The following PAFAH1B1 variants were observed in gnomAD, a reference collection of about 807,000 sequenced individuals.
PAFAH1B1 encodes the protein platelet activating factor acetylhydrolase 1b regulatory subunit 1, also known as platelet-activating factor acetylhydrolase IB subunit beta.
Under a neutral mutation model 57.5 loss-of-function variants are expected in PAFAH1B1, and 2 were observed. The ratio of observed to expected loss-of-function variants is 0.03; its 90% CI spans 0.01 to 0.11. The LOEUF (loss-of-function observed/expected upper bound fraction) is 0.11, where lower values mean the gene tolerates loss of function less well. PAFAH1B1 is among the 10% of genes least tolerant of loss of function. The probability of loss-of-function intolerance (pLI) is 1.00; values close to 1 mark genes in which losing one functional copy is unlikely to be tolerated. For synonymous variants in PAFAH1B1, 152 were observed against 169.6 expected, an observed-to-expected ratio of 0.90 and a Z score of 0.81; for missense variants, 257 against 512.0, an observed-to-expected ratio of 0.50 and a Z score of 4.81.
At chr17:2,612,561 C>T (rs2068279794) in intron 1 of PAFAH1B1, among the ~76,000 whole-genome samples, 1 of 151,620 alleles carries the variant, frequency 6.6e-6, no homozygotes, top group African/African-American at 2.4e-5. Flanking sequence ...GTAGCTGTAT[C>T]AGATAATTTC....
At chr17:2,673,087 T>C (rs1200964651) in intron 7 of PAFAH1B1, among the ~76,000 whole-genome samples, 1 of 151,968 alleles carries the variant, frequency 6.6e-6, no homozygotes, top group Admixed American at 6.6e-5. Flanking sequence ...AGAAAAGGCA[T>C]CAGCTTAAAG....
chr17:2,596,771 A>T (rs1049072311), intron 1 of PAFAH1B1, among the ~76,000 whole-genome samples: 3 of 152,124 alleles, frequency 2.0e-5, no homozygotes, highest in Admixed American at 1.3e-4. Context: ...ATCAAAGCAC[A>T]CTAAGGTCCA....
chr17:2,595,955 G>T lies in PAFAH1B1; in HGVS notation c.-191+1949G>T, dbSNP rs563242601. On this transcript the variant is annotated intron_variant, in intron 1 of 10. Transcript: ENST00000397195. ...TGGGTGGAGTAAGGGAGCAGAAGCTGTGAAATGCTGTATTGCCCTTTCACA... is the reference window on the plus strand; with the variant it reads ...TGGGTGGAGTAAGGGAGCAGAAGCTTTGAAATGCTGTATTGCCCTTTCACA... 4.6e-5 allele frequency among the ~76,000 whole-genome samples: 7 copies of T among 152,306 alleles called. No homozygotes were observed. The East Asian group carries it at 1.2e-3, about 25-fold the overall frequency.
At chr17:2,659,297 G>T (rs2068981475) in intron 2 of PAFAH1B1, 1 of 162,776 alleles carries the variant, frequency 6.1e-6, no homozygotes, top group South Asian at 1.2e-4. Flanking sequence ...CCAGCACTTT[G>T]GGAGGCCAAG....
At chr17:2,616,857 A>G (rs2151619459) in intron 1 of PAFAH1B1, among the ~76,000 whole-genome samples, 1 of 152,038 alleles carries the variant, frequency 6.6e-6, no homozygotes, top group Middle Eastern at 3.4e-3. Context: ...AGGTCAAGAG[A>G]TCGAGACCAT....
At chr17:2,648,764 A>T (rs1408325083) in intron 2 of PAFAH1B1, among the ~76,000 whole-genome samples, 2 of 152,094 alleles carry the variant, frequency 1.3e-5, no homozygotes, top group East Asian at 1.9e-4. Context: ...TGATGGTTAA[A>T]AAAAAAAAAC....
chr17:2,645,829 C>T (rs1268843053), intron 2 of PAFAH1B1, among the ~76,000 whole-genome samples: 1 of 151,416 alleles, frequency 6.6e-6, no homozygotes, highest in Non-Finnish European at 1.5e-5. Context: ...TGGTCTCACT[C>T]TCCTGACCTC....
intron 2 of PAFAH1B1, among the ~76,000 whole-genome samples, chr17:2,657,339 G>A (rs1456591259): frequency 6.6e-6 from 1 of 152,134 alleles, no homozygotes; most frequent in Non-Finnish European, 1.5e-5. Context: ...CCACCTCCCA[G>A]GTTCAAGTGA....
At chr17:2,637,408 T>G (rs1478033385) in intron 1 of PAFAH1B1, among the ~76,000 whole-genome samples, 1 of 84,718 alleles carries the variant, frequency 1.2e-5, no homozygotes, top group East Asian at 3.3e-4. Flanking sequence ...TAGGGAGACC[T>G]GTCTCTACAA....
chr17:2,666,594 A>G (rs1423839502), intron 4 of PAFAH1B1, among the ~76,000 whole-genome samples: 1 of 152,196 alleles, frequency 6.6e-6, no homozygotes, highest in Admixed American at 6.5e-5. Context: ...TGCTCAATAA[A>G]TATTAGCTTT....
chr17:2,628,620 G>C (rs939106497), intron 1 of PAFAH1B1, among the ~76,000 whole-genome samples: 1 of 152,008 alleles, frequency 6.6e-6, no homozygotes, highest in Non-Finnish European at 1.5e-5. Flanking sequence ...ATTAGGGAGG[G>C]CTCCTTCTTT....
At chr17:2,653,288 G>A (rs181866524) in intron 2 of PAFAH1B1, among the ~76,000 whole-genome samples, 92 of 152,206 alleles carry the variant, frequency 6.0e-4, no homozygotes, top group Non-Finnish European at 1.0e-3. Context: ...GGGGAGAGGG[G>A]AGGGATAGCA....
At chr17:2,620,113 C>G (rs565637350) in intron 1 of PAFAH1B1, among the ~76,000 whole-genome samples, 2 of 152,108 alleles carry the variant, frequency 1.3e-5, no homozygotes, top group African/African-American at 4.8e-5. Flanking sequence ...TTGATAAATT[C>G]TACCTGATTT....
chr17:2,603,938 A>G (rs1210827275), intron 1 of PAFAH1B1, among the ~76,000 whole-genome samples: 1 of 152,042 alleles, frequency 6.6e-6, no homozygotes, highest in Non-Finnish European at 1.5e-5. Flanking sequence ...GGGTTTCACC[A>G]TGTTGGTCAG....
chr17:2,674,122 A>G lies in PAFAH1B1; in HGVS notation c.734A>G (p.Asp245Gly). 2 of 1,614,132 alleles carry G rather than the reference A, an allele frequency of 1.2e-6. No homozygotes were observed. Among genetic ancestry groups the G allele is most frequent in the Non-Finnish European group, 1.7e-6 (2 of 1,180,020 alleles). The change falls in exon 8 of 11, where the codon GAT (aspartate) becomes GGT (glycine). Residue 245 changes from aspartate to glycine, a missense_variant. Transcript: ENST00000397195. ...GTACGTATGGTACGGCCAAATCAAG[A>G]TGGCACTCTGATAGCCAGCTGTTCC... ...EWVRMVRPNQ[D>G]GTLIASCSND... is the part of the protein sequence containing the mutation.
chr17:2,659,625 G>C (rs909603851), intron 2 of PAFAH1B1, among the ~76,000 whole-genome samples: 1 of 150,750 alleles, frequency 6.6e-6, no homozygotes, highest in African/African-American at 2.4e-5. Context: ...GAGGCCAGGA[G>C]TTTGAGACCA....
At chr17:2,602,614 A>C (rs1311785513) in intron 1 of PAFAH1B1, among the ~76,000 whole-genome samples, 3 of 152,188 alleles carry the variant, frequency 2.0e-5, no homozygotes, top group Non-Finnish European at 4.4e-5. Context: ...TCGTCTCTCT[A>C]AATTCAGTCT....
intron 1 of PAFAH1B1, among the ~76,000 whole-genome samples, chr17:2,595,885 G>A (rs2068079727): frequency 6.6e-6 from 1 of 152,140 alleles, no homozygotes. Context: ...AAAAAAATGG[G>A]CTAATATTTG....
At chr17:2,673,348 A>G (rs935666853) in intron 7 of PAFAH1B1, among the ~76,000 whole-genome samples, 2 of 151,966 alleles carry the variant, frequency 1.3e-5, no homozygotes, top group African/African-American at 4.8e-5. Flanking sequence ...TTAAAGTGTA[A>G]ATAATCTTTG....
Sources: gnomAD v4.1 joint callset for allele counts (sites outside exome capture counted in the v4.1 genomes callset) on GRCh38, gnomAD v4.1.1 for gene constraint, MANE v1.5 for transcripts, NCBI Gene and HGNC (gene_info 2026-07-23, HGNC 2026-07-21) for gene names.